SMOC2: variants seen among roughly 807,000 people sequenced by gnomAD.
The protein encoded by SMOC2 is SPARC related modular calcium binding 2.
Under a neutral mutation model 61.4 loss-of-function variants are expected in SMOC2, and 39 were observed. That is an observed-to-expected ratio of 0.64 (90% CI 0.49 to 0.83). SMOC2 has a LOEUF of 0.83. SMOC2 is among the 40% of genes least tolerant of loss of function. The pLI is 0.00. For missense variants in SMOC2, 556 were observed against 592.9 expected, an observed-to-expected ratio of 0.94 and a Z score of 0.65; for synonymous variants, 247 against 239.9, an observed-to-expected ratio of 1.03 and a Z score of -0.27.
intron 9 of SMOC2, among the ~76,000 whole-genome samples, chr6:168,614,010 C>T (rs377013215): frequency 4.1e-4 from 31 of 75,712 alleles, no homozygotes; most frequent in African/African-American, 8.5e-4. Context: ...GGCCTCTTCA[C>T]ACCTACAGCC....
intron 9 of SMOC2, among the ~76,000 whole-genome samples, chr6:168,647,216 C>A (rs142291495): frequency 6.6e-6 from 1 of 152,206 alleles, no homozygotes; most frequent in Non-Finnish European, 1.5e-5. Flanking sequence ...ATCGCTGAGC[C>A]TGCATGCGGC....
At position 168,634,516 on chromosome 6, in the gene SMOC2, A is replaced by G. The variant is rs140756019; in HGVS notation, c.908-16165A>G. The stretch of plus-strand genomic sequence containing the variant: ...TGCCCAATTCGAGTCTGAAATGAAC[A>G]CCGCAAACAACCCTCACTGAAGAGA... On this transcript the variant is annotated intron_variant, in intron 9 of 12. Coordinates refer to ENST00000356284, the MANE Select transcript of SMOC2 (RefSeq NM_001166412.2). Among the ~76,000 whole-genome samples the G allele has an allele frequency of 4.6e-5, 7 of 152,298 alleles. No individual in the cohort carries two copies. The East Asian group carries it at 1.3e-3, about 29-fold the overall frequency.
At chr6:168,471,024 T>C (rs1781956919) in intron 1 of SMOC2, among the ~76,000 whole-genome samples, 1 of 152,244 alleles carries the variant, frequency 6.6e-6, no homozygotes, top group Admixed American at 6.5e-5. Context: ...TGCTAAATTT[T>C]GTAATATTGT....
intron 9 of SMOC2, among the ~76,000 whole-genome samples, chr6:168,634,670 A>C (rs1374916482): frequency 3.3e-5 from 5 of 152,262 alleles, no homozygotes; most frequent in Non-Finnish European, 7.3e-5. Flanking sequence ...AACTTGGCAG[A>C]CATCTGAGCA....
chr6:168,509,907 CCTTT>C lies in SMOC2; in HGVS notation c.85-7_85-4del, dbSNP rs1306771673. ...AAATTTGTCTGGCTTCTTTTTTTCT[CCTTT>C]AAGTTTTTGAGAGTGGATCAAGATA... On this transcript the variant is annotated splice_polypyrimidine_tract_variant and splice_region_variant and intron_variant, in intron 1 of 12. Coordinates refer to ENST00000356284, the MANE Select transcript of SMOC2 (RefSeq NM_001166412.2). 6.3e-7 allele frequency: 1 copy of C among 1,580,796 alleles called. No homozygotes were observed. The highest frequency in any genetic ancestry group is 1.8e-5 in the Admixed American group (1 of 57,120).
At chr6:168,441,647 C>T (rs1781212735) in intron 1 of SMOC2, among the ~76,000 whole-genome samples, 193 bp downstream of exon 1, 2 of 152,162 alleles carry the variant, frequency 1.3e-5, no homozygotes, top group South Asian at 4.1e-4. Context: ...TGGGACCCGG[C>T]TGGGATGGGC....
intron 7 of SMOC2, among the ~76,000 whole-genome samples, chr6:168,570,341 G>A (rs1396982559): frequency 6.6e-6 from 1 of 152,246 alleles, no homozygotes; most frequent in Non-Finnish European, 1.5e-5. Context: ...GGAGCAACCA[G>A]AGGAGCCTTG....
chr6:168,647,064 G>A (rs931650615), intron 9 of SMOC2, among the ~76,000 whole-genome samples: 8 of 152,220 alleles, frequency 5.3e-5, no homozygotes, highest in African/African-American at 9.6e-5. Flanking sequence ...GGCCTGGCAC[G>A]TCTAACCCAG....
intron 4 of SMOC2, among the ~76,000 whole-genome samples, chr6:168,541,195 A>G (rs60801161): frequency 2.2e-4 from 34 of 152,338 alleles, no homozygotes; most frequent in African/African-American, 7.7e-4. Context: ...AATAGCATTT[A>G]GATGGAATGG....
intron 9 of SMOC2, among the ~76,000 whole-genome samples, chr6:168,628,078 A>G (rs562193486): frequency 6.6e-6 from 1 of 152,212 alleles, no homozygotes; most frequent in East Asian, 1.9e-4. Flanking sequence ...CTCACCCCAC[A>G]AGCCCTTGCC....
intron 8 of SMOC2, among the ~76,000 whole-genome samples, chr6:168,602,248 C>G (rs188300829): frequency 6.6e-6 from 1 of 152,270 alleles, no homozygotes; most frequent in Non-Finnish European, 1.5e-5. Context: ...TCACTCGACT[C>G]TCTGGAGACA....
chr6:168,527,423 A>T (rs1783480486), intron 3 of SMOC2, among the ~76,000 whole-genome samples: 1 of 152,194 alleles, frequency 6.6e-6, no homozygotes, highest in Non-Finnish European at 1.5e-5. Context: ...TAAAGTGCTG[A>T]TTTGGGCCCC....
intron 7 of SMOC2, among the ~76,000 whole-genome samples, chr6:168,585,727 T>G (rs947455113): frequency 6.6e-6 from 1 of 152,266 alleles, no homozygotes; most frequent in Non-Finnish European, 1.5e-5. Context: ...CATGGTGATG[T>G]TTTACCTGCA....
intron 7 of SMOC2, among the ~76,000 whole-genome samples, chr6:168,560,151 C>T (rs1236785620): frequency 2.6e-5 from 4 of 152,170 alleles, no homozygotes; most frequent in African/African-American, 9.7e-5. Flanking sequence ...TTATATTTAT[C>T]ATCTTTCCCC....
In SMOC2 at chr6:168,599,617, ACT is replaced by A. The variant is rs144720100; in HGVS notation, c.824+615_824+616del. 4.6e-3 allele frequency among the ~76,000 whole-genome samples: 454 copies of A among 99,188 alleles called. 48 individuals are homozygous for A. The highest frequency in any genetic ancestry group is 0.02 in the African/African-American group (433 of 21,552). The allele number at this position is 99,188 out of a possible 152,430, so 65.1% of individuals were successfully genotyped here. ...CACATACCCCCACACACCCACACACACTCATACCACACACACCCACACCCACA... is the reference window on the plus strand; with the variant it reads ...CACATACCCCCACACACCCACACACACATACCACACACACCCACACCCACA... On this transcript the variant is annotated intron_variant, in intron 8 of 12. Transcript: ENST00000356284.
intron 9 of SMOC2, among the ~76,000 whole-genome samples, chr6:168,648,541 C>T (rs34999221): frequency 0.04 from 6,033 of 152,300 alleles, 154 homozygotes; most frequent in Non-Finnish European, 0.051. Context: ...GGAAGCACCG[C>T]GGCCAGCAGC....
chr6:168,539,808 C>G (rs1047127300), intron 4 of SMOC2, among the ~76,000 whole-genome samples: 3 of 152,194 alleles, frequency 2.0e-5, no homozygotes, highest in African/African-American at 7.2e-5. Context: ...GCCTACTCAC[C>G]CCTTTACTCT....
At position 168,587,227 on chromosome 6, in the gene SMOC2, C is replaced by T. The variant is rs142586792; in HGVS notation, c.638-11591C>T. 4.0e-3 allele frequency among the ~76,000 whole-genome samples: 612 copies of T among 152,298 alleles called. 1 individual carries two copies. Among genetic ancestry groups the T allele is most frequent in the Admixed American group, 0.011 (161 of 15,304 alleles). ...AATGCTTTATCTTTCTTTCTAAATA[C>T]ACTCATATATTCTTCCACTAACTCC... On this transcript the variant is annotated intron_variant, in intron 7 of 12. Coordinates refer to ENST00000356284, the MANE Select transcript of SMOC2 (RefSeq NM_001166412.2).
intron 11 of SMOC2, among the ~76,000 whole-genome samples, chr6:168,655,644 G>A (rs1174445782): frequency 6.6e-6 from 1 of 151,502 alleles, no homozygotes; most frequent in Non-Finnish European, 1.5e-5. Flanking sequence ...ACACGTGTGT[G>A]CTAGATCCCC....
Sources: gnomAD v4.1 joint callset for allele counts (sites outside exome capture counted in the v4.1 genomes callset) on GRCh38, gnomAD v4.1.1 for gene constraint, MANE v1.5 for transcripts, NCBI Gene and HGNC (gene_info 2026-07-23, HGNC 2026-07-21) for gene names.